EEIG2: variants seen among roughly 807,000 people sequenced by gnomAD.
EEIG2 encodes EEIG family member 2.
chr1:108,588,919 A>T, the EEIG2 span, among the ~76,000 whole-genome samples: 3 of 152,074 alleles, frequency 2.0e-5, no homozygotes, highest in African/African-American at 7.2e-5. Flanking sequence ...TGAAGCTATA[A>T]GACTTTTTGT....
At chr1:108,576,267 C>G in the EEIG2 span, among the ~76,000 whole-genome samples, 2 of 152,188 alleles carry the variant, frequency 1.3e-5, no homozygotes, top group Admixed American at 1.3e-4. Context: ...CTTGTTTTAT[C>G]TATTTCACTT....
the EEIG2 span, among the ~76,000 whole-genome samples, chr1:108,576,710 C>T: frequency 6.7e-6 from 1 of 148,892 alleles, no homozygotes; most frequent in Non-Finnish European, 1.5e-5. Context: ...TGGACATTTG[C>T]GTTGGTTCCA....
chr1:108,624,287 G>A, the EEIG2 span, among the ~76,000 whole-genome samples: 2 of 152,084 alleles, frequency 1.3e-5, no homozygotes, highest in African/African-American at 4.8e-5. Flanking sequence ...TGATTCAAAA[G>A]GGCTTGGCAC....
the EEIG2 span, among the ~76,000 whole-genome samples, chr1:108,563,607 G>A: frequency 6.6e-6 from 1 of 152,138 alleles, no homozygotes; most frequent in South Asian, 2.1e-4. Flanking sequence ...TAGGTCATAT[G>A]TATTTGATAT....
chr1:108,588,871 A>G, the EEIG2 span, among the ~76,000 whole-genome samples: 1 of 151,892 alleles, frequency 6.6e-6, no homozygotes, highest in Non-Finnish European at 1.5e-5. Context: ...GAAATTTTTC[A>G]TCAAGACATC....
the EEIG2 span, among the ~76,000 whole-genome samples, chr1:108,614,949 A>G: frequency 6.6e-6 from 1 of 152,222 alleles, no homozygotes; most frequent in African/African-American, 2.4e-5. Flanking sequence ...GGAGTTGGAA[A>G]GCAGACCTCA....
the EEIG2 span, among the ~76,000 whole-genome samples, chr1:108,611,615 G>T: frequency 6.6e-6 from 1 of 152,226 alleles, no homozygotes; most frequent in South Asian, 2.1e-4. Flanking sequence ...TAGTGAAAGA[G>T]AAGGCACTGG....
the EEIG2 span, among the ~76,000 whole-genome samples, chr1:108,579,902 C>T: frequency 2.6e-5 from 4 of 152,034 alleles, no homozygotes; most frequent in Non-Finnish European, 5.9e-5. Context: ...GTAGCTGAGA[C>T]TACAGGTGGA....
At chr1:108,580,961 A>G in the EEIG2 span, among the ~76,000 whole-genome samples, 27 of 152,314 alleles carry the variant, frequency 1.8e-4, no homozygotes, top group Non-Finnish European at 2.5e-4. Flanking sequence ...TTTTGTAGCT[A>G]GAGAGAAGTC....
chr1:108,613,382 T>G, the EEIG2 span, among the ~76,000 whole-genome samples: 4 of 152,236 alleles, frequency 2.6e-5, no homozygotes, highest in African/African-American at 9.6e-5. Context: ...GTGGCAGAGC[T>G]GGGACCACAG....
At chr1:108,628,087 A>T in the EEIG2 span, 1 of 1,231,532 alleles carries the variant, frequency 8.1e-7, no homozygotes, top group South Asian at 1.3e-5. Context: ...GGCAGAGTTT[A>T]TAAAGTCTGC....
the EEIG2 span, among the ~76,000 whole-genome samples, chr1:108,631,854 C>G: frequency 6.6e-6 from 1 of 151,872 alleles, no homozygotes; most frequent in African/African-American, 2.4e-5. Context: ...TGGCTCACAC[C>G]TGTAATCCCA....
the EEIG2 span, among the ~76,000 whole-genome samples, chr1:108,562,342 A>G: frequency 6.6e-6 from 1 of 152,302 alleles, no homozygotes; most frequent in South Asian, 2.1e-4. Context: ...TAGAAATGAA[A>G]AAGTTGAGTA....
chr1:108,607,460 A>G, the EEIG2 span, among the ~76,000 whole-genome samples: 1 of 152,214 alleles, frequency 6.6e-6, no homozygotes, highest in African/African-American at 2.4e-5. Flanking sequence ...TCACAATCTA[A>G]CAATGAGCTA....
chr1:108,600,675 T>C, the EEIG2 span: 1 of 1,608,272 alleles, frequency 6.2e-7, no homozygotes, highest in Admixed American at 1.7e-5. Flanking sequence ...CTACAGAGTA[T>C]CCGTGAGGAA....
At chr1:108,600,112 A>G in the EEIG2 span, among the ~76,000 whole-genome samples, 1 of 152,192 alleles carries the variant, frequency 6.6e-6, no homozygotes. Context: ...CTGGAGTAAA[A>G]CTATGACAGT....
the EEIG2 span, among the ~76,000 whole-genome samples, chr1:108,574,891 C>T: frequency 3.5e-4 from 53 of 152,200 alleles, no homozygotes; most frequent in African/African-American, 1.1e-3. Flanking sequence ...AATATAGACT[C>T]CATTAAAAAA....
the EEIG2 span, among the ~76,000 whole-genome samples, chr1:108,631,706 C>T: frequency 6.6e-6 from 1 of 151,744 alleles, no homozygotes; most frequent in East Asian, 1.9e-4. Flanking sequence ...TAGTTATGTG[C>T]CAGGCACAGG....
the EEIG2 span, chr1:108,635,061 A>G: frequency 6.2e-7 from 1 of 1,610,058 alleles, no homozygotes. Flanking sequence ...AACAGTTTCA[A>G]ACACTGCAGC....
Sources: allele counts gnomAD v4.1 joint callset (sites outside exome capture counted in the v4.1 genomes callset), GRCh38; gene constraint gnomAD v4.1.1; transcripts MANE v1.5; gene names NCBI Gene and HGNC (gene_info 2026-07-23, HGNC 2026-07-21).